The following LMO1 variants were observed in gnomAD, a reference collection of about 807,000 sequenced individuals.
LMO1 encodes the protein LIM domain only 1.
A neutral mutation model predicts 18.0 loss-of-function variants in LMO1; 10 were observed. The ratio of observed to expected loss-of-function variants is 0.55; its 90% confidence interval spans 0.34 to 0.94. LMO1 has a LOEUF of 0.94. Among genes scored for constraint, LMO1 ranks in the 40% least tolerant of loss-of-function variants. The probability of loss-of-function intolerance (pLI) is 0.02; values close to 1 mark genes in which losing one functional copy is unlikely to be tolerated. For missense variants in LMO1, 183 were observed against 205.7 expected (o/e 0.89, Z 0.68); for synonymous variants, 77 against 77.9 (o/e 0.99, Z 0.06).
intron 1 of LMO1, among the ~76,000 whole-genome samples, chr11:8,248,196 C>A (rs927049051): frequency 6.6e-6 from 1 of 152,242 alleles, no homozygotes; most frequent in African/African-American, 2.4e-5. Context: ...AGCGGTCAGG[C>A]CCTCATGCCG....
At chr11:8,237,826 C>T (rs535495459) in intron 1 of LMO1, among the ~76,000 whole-genome samples, 59 of 152,362 alleles carry the variant, frequency 3.9e-4, no homozygotes, top group African/African-American at 1.3e-3. Flanking sequence ...AGTGTAGGCC[C>T]TGAGACTGTG....
rs1847064631 is a variant in LMO1 at position 8,254,944 on chromosome 11, A to G, written c.25+8394T>C. Among the ~76,000 whole-genome samples, 4 of 152,252 alleles carry G rather than the reference A, an allele frequency of 2.6e-5. No homozygotes were observed. In the South Asian group the frequency reaches 8.3e-4, roughly 31 times the overall value. On this transcript the variant is annotated intron_variant, in intron 1 of 3. Coordinates refer to ENST00000335790, the MANE Select transcript of LMO1 (RefSeq NM_002315.3). ...TTCTCATCTGTAAAATGAGGGTAAT[A>G]GTAGCTTCTTCCTAAGGTTCTTATG... is the stretch of plus-strand genomic sequence containing the variant.
chr11:8,246,008 G>A (rs1846886859), intron 1 of LMO1, among the ~76,000 whole-genome samples: 1 of 152,090 alleles, frequency 6.6e-6, no homozygotes, highest in African/African-American at 2.4e-5. Flanking sequence ...GATTTTGAGT[G>A]AACTGAACAA....
At chr11:8,226,846 G>C in intron 3 of LMO1, 129 bp downstream of exon 3, 4 of 1,421,620 alleles carry the variant, frequency 2.8e-6, no homozygotes, top group Non-Finnish European at 3.7e-6. Context: ...CTCATAACCT[G>C]CACGCACCAC....
At chr11:8,242,243 T>C (rs1028006984) in intron 1 of LMO1, among the ~76,000 whole-genome samples, 2 of 152,174 alleles carry the variant, frequency 1.3e-5, no homozygotes, top group Admixed American at 6.5e-5. Flanking sequence ...ATCCTTTAGA[T>C]AAAAGAGCAG....
intron 3 of LMO1, chr11:8,226,721 G>A (rs535410934): frequency 1.5e-5 from 8 of 517,788 alleles, no homozygotes; most frequent in East Asian, 1.1e-4. Flanking sequence ...ACTCATGCAC[G>A]CCTTCATTAT....
intron 1 of LMO1, among the ~76,000 whole-genome samples, chr11:8,248,248 A>C (rs537226294): frequency 6.6e-6 from 1 of 152,252 alleles, no homozygotes; most frequent in South Asian, 2.1e-4. Context: ...TCACATCTGC[A>C]TGTATCTGAG....
intron 1 of LMO1, among the ~76,000 whole-genome samples, chr11:8,257,684 A>T (rs986072569): frequency 6.6e-6 from 1 of 152,218 alleles, no homozygotes; most frequent in Non-Finnish European, 1.5e-5. Flanking sequence ...TAAATGGAGG[A>T]ACTTGCAAAG....
chr11:8,256,558 C>T (rs1281318540), intron 1 of LMO1, among the ~76,000 whole-genome samples: 1 of 152,238 alleles, frequency 6.6e-6, no homozygotes, highest in East Asian at 1.9e-4. Context: ...ACTCCTCTCA[C>T]ACCACCTGCT....
At chr11:8,232,692 C>G (rs1307821726) in intron 1 of LMO1, among the ~76,000 whole-genome samples, 1 of 152,202 alleles carries the variant, frequency 6.6e-6, no homozygotes, top group Non-Finnish European at 1.5e-5. Context: ...GGCTCCCTTC[C>G]CAGTGGTCCT....
intron 1 of LMO1, among the ~76,000 whole-genome samples, chr11:8,248,567 C>G (rs1846934878): frequency 6.6e-6 from 1 of 152,262 alleles, no homozygotes; most frequent in Admixed American, 6.5e-5. Flanking sequence ...CAGCCTCAGA[C>G]AAGTTCTGCT....
intron 1 of LMO1, among the ~76,000 whole-genome samples, chr11:8,239,782 C>T (rs1846752618): frequency 6.6e-6 from 1 of 152,196 alleles, no homozygotes; most frequent in Non-Finnish European, 1.5e-5. Flanking sequence ...CCAAGCTTCT[C>T]CTGCACGCTA....
At chr11:8,259,185 C>T (rs1360157727) in intron 1 of LMO1, among the ~76,000 whole-genome samples, 1 of 152,246 alleles carries the variant, frequency 6.6e-6, no homozygotes, top group East Asian at 1.9e-4. Flanking sequence ...ATTAGCGAGA[C>T]ATGGATTCCG....
intron 1 of LMO1, among the ~76,000 whole-genome samples, chr11:8,260,463 T>A (rs1193606534): frequency 6.6e-6 from 1 of 151,992 alleles, no homozygotes; most frequent in Admixed American, 6.6e-5. Flanking sequence ...AAGCAATTAA[T>A]CTTAAAACCC....
At chr11:8,226,512 C>T (rs1372452812) in intron 3 of LMO1, among the ~76,000 whole-genome samples, 2 of 152,112 alleles carry the variant, frequency 1.3e-5, no homozygotes, top group Non-Finnish European at 2.9e-5. Flanking sequence ...CAGAGTGAGA[C>T]TATCTCAAAA....
In LMO1 at chr11:8,224,404, C is replaced by G. The variant is rs774874591; in HGVS notation, c.*212G>C. 2.6e-5 allele frequency: 15 copies of G among 569,770 alleles called. No individual in the cohort carries two copies. Among genetic ancestry groups the G allele is most frequent in the Non-Finnish European group, 4.4e-5 (14 of 319,310 alleles). The allele number at this position is 569,770 out of a possible 1,614,324, so 35.3% of individuals were successfully genotyped here. A position where few individuals can be genotyped will look rare whatever the true frequency, so the allele number is the denominator to read the frequency against. On this transcript the variant is annotated 3_prime_UTR_variant, in exon 4 of 4. Transcript: ENST00000335790. Reference sequence around the variant, plus strand: ...TTCCCATTTATATACAGAAGACAGACTGTACAGGCCCGGCCTGGCCCCAGG... The same window carrying G: ...TTCCCATTTATATACAGAAGACAGAGTGTACAGGCCCGGCCTGGCCCCAGG...
At chr11:8,262,782 C>T (rs1847208229) in intron 1 of LMO1, among the ~76,000 whole-genome samples, 1 of 152,208 alleles carries the variant, frequency 6.6e-6, no homozygotes, top group South Asian at 2.1e-4. Flanking sequence ...GCAGATGTCC[C>T]CCGGAGGGTC....
At position 8,226,979 on chromosome 11, in the gene LMO1, G is replaced by T; in HGVS notation, c.361C>A (p.Gln121Lys). 1 of 1,613,046 alleles carries T rather than the reference G, an allele frequency of 6.2e-7. No homozygotes were observed. The highest frequency in any genetic ancestry group is 8.5e-7 in the Non-Finnish European group (1 of 1,179,536). The stretch of plus-strand genomic sequence containing the variant: ...GTCGGCCAGTCCAGCACTGACCTCT[G>T]GTTGCAGAGCTGGCAGGCGAAGCAG... Reference protein sequence around the residue: ...LDCFACQLCNQRFCVGDKFFL... With the variant: ...LDCFACQLCNKRFCVGDKFFL... The change falls in exon 3 of 4, where the codon CAG becomes AAG. Residue 121 changes from glutamine to lysine, a missense_variant. Coordinates refer to ENST00000335790, the MANE Select transcript of LMO1 (RefSeq NM_002315.3).
At chr11:8,242,513 G>GC (rs1333605239) in intron 1 of LMO1, among the ~76,000 whole-genome samples, 2 of 152,202 alleles carry the variant, frequency 1.3e-5, no homozygotes, top group African/African-American at 4.8e-5. Flanking sequence ...CTACAGAAAA[G>GC]CCCCAGGCCC....
Sources: gnomAD v4.1 joint callset for allele counts (sites outside exome capture counted in the v4.1 genomes callset) on GRCh38, gnomAD v4.1.1 for gene constraint, MANE v1.5 for transcripts, NCBI Gene and HGNC (gene_info 2026-07-23, HGNC 2026-07-21) for gene names.